Variants in RAPGEFL1 observed in about 807,000 individuals in gnomAD.
RAPGEFL1 encodes the protein Rap guanine nucleotide exchange factor like 1.
In RAPGEFL1, 31 loss-of-function variants were observed where a neutral mutation model predicts 64.4. The ratio of observed to expected loss-of-function variants is 0.48; its 90% CI spans 0.36 to 0.65. The LOEUF (loss-of-function observed/expected upper bound fraction) is 0.65. Ranked by LOEUF, RAPGEFL1 falls within the 30% of genes least tolerant of loss-of-function variation. RAPGEFL1 has a pLI of 0.00. For missense variants in RAPGEFL1, 682 were observed against 677.4 expected, an observed-to-expected ratio of 1.01 and a Z score of -0.08; for synonymous variants, 331 against 274.1, an observed-to-expected ratio of 1.21 and a Z score of -2.05.
In RAPGEFL1 at chr17:40,178,277, C is replaced by T. The variant is rs1989784134; in HGVS notation, c.416C>T (p.Ser139Leu). ...CTGTCCCCAGGCGAGCCCTTGACTT[C>T]GCCGCCCTGGGCCCCTCTGGGCGCC... ...DELSPGEPLT[S>L]PPWAPLGAPE... is the part of the protein sequence containing the mutation. Residue 139 changes from serine to leucine, a missense_variant, in exon 1 of 15, where the codon TCG (serine) becomes TTG (leucine). Ser to Leu is a moderately radical substitution (Grantham distance 145, BLOSUM62 -2). This residue lies in a region of RAPGEFL1 where 271 missense variants were observed against 158.0 expected (regional missense o/e 1.72). Coordinates refer to ENST00000620260, the MANE Select transcript of RAPGEFL1 (RefSeq NM_016339.6). The T allele has an allele frequency of 4.6e-6, 3 of 651,336 alleles. No individual in the cohort carries two copies. Among genetic ancestry groups the T allele is most frequent in the Non-Finnish European group, 8.4e-6 (3 of 358,180 alleles). 40.3% of individuals were successfully genotyped at this position (651,336 alleles called of 1,614,324 possible).
At chr17:40,190,004 A>G (rs987750942) in intron 6 of RAPGEFL1, among the ~76,000 whole-genome samples, 2 of 151,984 alleles carry the variant, frequency 1.3e-5, no homozygotes, top group African/African-American at 2.4e-5. Flanking sequence ...TCAGGTTCTG[A>G]TCTGAGTGCT....
intron 1 of RAPGEFL1, 93 bp downstream of exon 1, chr17:40,178,474 G>T: frequency 2.2e-6 from 1 of 448,526 alleles, no homozygotes; most frequent in Non-Finnish European, 4.0e-6. Context: ...CCGTGCCGGG[G>T]CTTGGTTATA....
intron 1 of RAPGEFL1, among the ~76,000 whole-genome samples, chr17:40,180,416 C>T (rs1989858048): frequency 6.6e-6 from 1 of 152,038 alleles, no homozygotes; most frequent in Non-Finnish European, 1.5e-5. Context: ...TGAGAATCAG[C>T]TTAACCTGCC....
rs1383829905 is a variant in RAPGEFL1 at position 40,185,803 on chromosome 17, AG to A, written c.833+1126del. Among the ~76,000 whole-genome samples the A allele has an allele frequency of 7.4e-3, 1,089 of 147,838 alleles. 7 individuals are homozygous for A. Among genetic ancestry groups the A allele is most frequent in the Non-Finnish European group, 0.014 (912 of 66,708 alleles). On this transcript the variant is annotated intron_variant, in intron 4 of 14. Coordinates refer to ENST00000620260, the MANE Select transcript of RAPGEFL1 (RefSeq NM_016339.6). Reference sequence around the variant, plus strand: ...TGTCTCAAAAAAAAAAAAAAAAAAAAGAAAAGAAAAATTAGCTGGGGGTGGT... The same window carrying A: ...TGTCTCAAAAAAAAAAAAAAAAAAAAAAAAGAAAAATTAGCTGGGGGTGGT...
chr17:40,177,838 C>A lies in RAPGEFL1; in HGVS notation c.-24C>A, dbSNP rs1989760251. 1 of 425,108 alleles carries A rather than the reference C, an allele frequency of 2.4e-6. No homozygotes were observed. Among genetic ancestry groups the A allele is most frequent in the Admixed American group, 4.4e-5 (1 of 22,748 alleles). 26.3% of individuals were successfully genotyped at this position (425,108 alleles called of 1,614,324 possible). On this transcript the variant is annotated 5_prime_UTR_variant, in exon 1 of 15. Coordinates refer to ENST00000620260, the MANE Select transcript of RAPGEFL1 (RefSeq NM_016339.6). The stretch of plus-strand genomic sequence containing the variant: ...GGGATACCTGGGTCCCCCGGCGACC[C>A]CTAGGAGAGGGGCGGGGGGGGGCAT...
chr17:40,184,867 C>T (rs1252626635), intron 4 of RAPGEFL1, among the ~76,000 whole-genome samples, 189 bp downstream of exon 4: 1 of 152,164 alleles, frequency 6.6e-6, no homozygotes, highest in Admixed American at 6.5e-5. Flanking sequence ...GCAACCTCCA[C>T]CTCTTGGGTT....
chr17:40,191,233 C>A lies in RAPGEFL1; in HGVS notation c.1336-83C>A. ...GCCCCCGCCCTCCTGCCTTTCGCTC[C>A]TCATCGCCTTGCACTGCCATCTTCC... On this transcript the variant is annotated intron_variant, in intron 8 of 14. Transcript: ENST00000620260. This position sits in a 1 kb window ranked among gnomAD's most constrained non-coding sequence, Gnocchi z 5.1. The A allele has an allele frequency of 7.5e-7, 1 of 1,324,838 alleles. No homozygotes were observed. Among genetic ancestry groups the A allele is most frequent in the Non-Finnish European group, 1.0e-6 (1 of 1,000,652 alleles). 82.1% of individuals were successfully genotyped at this position (1,324,838 alleles called of 1,614,324 possible).
intron 4 of RAPGEFL1, among the ~76,000 whole-genome samples, chr17:40,186,921 C>T (rs1598442301): frequency 6.8e-6 from 1 of 146,770 alleles, no homozygotes; most frequent in Non-Finnish European, 1.5e-5. Context: ...GTAGTGAAAA[C>T]AGGAAGGAAA....
chr17:40,186,574 C>CAAAAAA lies in RAPGEFL1; in HGVS notation c.833+1926_833+1931dup, dbSNP rs146110920. ...TGGGCGACAGAGCGAGACTCCGTCT[C>CAAAAAA]AAAAAAAAAAAAAAAAAAAAAAAAA... On this transcript the variant is annotated intron_variant, in intron 4 of 14. Coordinates refer to ENST00000620260, the MANE Select transcript of RAPGEFL1 (RefSeq NM_016339.6). Among the ~76,000 whole-genome samples, 43 of 26,286 alleles carry CAAAAAA rather than the reference C, an allele frequency of 1.6e-3. 1 individual carries two copies. Among genetic ancestry groups the CAAAAAA allele is most frequent in the Admixed American group, 3.3e-3 (4 of 1,196 alleles). The allele number at this position is 26,286 out of a possible 152,430, so 17.2% of individuals were successfully genotyped here. A position where few individuals can be genotyped will look rare whatever the true frequency, so the allele number is the denominator to read the frequency against.
chr17:40,177,809 G>T lies in RAPGEFL1; in HGVS notation c.-53G>T. The T allele has an allele frequency of 2.4e-6, 1 of 408,420 alleles. No homozygotes were observed. The highest frequency in any genetic ancestry group is 4.3e-6 in the Non-Finnish European group (1 of 231,408). 25.3% of individuals were successfully genotyped at this position (408,420 alleles called of 1,614,324 possible). Reference sequence around the variant, plus strand: ...TGTCTTCGCCGCCCCCCCCGCCCGCGCCTGGGATACCTGGGTCCCCCGGCG... The same window carrying T: ...TGTCTTCGCCGCCCCCCCCGCCCGCTCCTGGGATACCTGGGTCCCCCGGCG... On this transcript the variant is annotated 5_prime_UTR_variant, in exon 1 of 15. Coordinates refer to ENST00000620260, the MANE Select transcript of RAPGEFL1 (RefSeq NM_016339.6).
intron 12 of RAPGEFL1, 91 bp downstream of exon 12, chr17:40,192,784 G>T (rs572149648): frequency 1.4e-6 from 2 of 1,413,684 alleles, no homozygotes; most frequent in African/African-American, 1.4e-5. Flanking sequence ...TCTCGACTCA[G>T]CCCTGAGTAC....
At chr17:40,186,473 C>A (rs1218246882) in intron 4 of RAPGEFL1, among the ~76,000 whole-genome samples, 3 of 146,576 alleles carry the variant, frequency 2.0e-5, no homozygotes, top group African/African-American at 7.6e-5. Context: ...GAGGCTGAGG[C>A]AGGAGAATGG....
At position 40,191,481 on chromosome 17, in the gene RAPGEFL1, A is replaced by G. The variant is rs1990264006; in HGVS notation, c.1501A>G (p.Lys501Glu). The change falls in exon 9 of 15, where the codon AAG (lysine) becomes GAG (glutamate). Residue 501 changes from lysine to glutamate, a missense_variant. By Grantham distance (56) the Lys-to-Glu change is moderately conservative (BLOSUM62 1). Coordinates refer to ENST00000620260, the MANE Select transcript of RAPGEFL1 (RefSeq NM_016339.6). The surrounding 1 kb of genome is among the most constrained non-coding windows in gnomAD (Gnocchi z 5.1). ...KRAQLLKKFI[K>E]IAALCKQNQD... ...CGCGCAGCTGCTCAAGAAGTTCATC[A>G]AGATCGCGGCCCTGTGAGTGCGGCC... The G allele has an allele frequency of 1.9e-6, 3 of 1,606,068 alleles. No homozygotes were observed. The East Asian group carries it at 6.7e-5, about 36-fold the overall frequency.
Position 40,178,260 on chromosome 17 carries a change from A to G in RAPGEFL1, c.399A>G (p.Pro133=). Residue 133 remains proline (P), a synonymous_variant, in exon 1 of 15, where the codon CCA becomes CCG. Coordinates refer to ENST00000620260, the MANE Select transcript of RAPGEFL1 (RefSeq NM_016339.6). ...PSSYSSDELS[P]GEPLTSPPWA... ...CCTACTCATCTGACGAGCTGTCCCC[A>G]GGCGAGCCCTTGACTTCGCCGCCCT... is the stretch of plus-strand genomic sequence containing the variant. 1.5e-6 allele frequency: 1 copy of G among 648,420 alleles called. No homozygotes were observed. The highest frequency in any genetic ancestry group is 2.8e-6 in the Non-Finnish European group (1 of 356,534). The allele number at this position is 648,420 out of a possible 1,614,324, so 40.2% of individuals were successfully genotyped here. A position where few individuals can be genotyped will look rare whatever the true frequency, so the allele number is the denominator to read the frequency against.
chr17:40,186,431 G>C (rs531314307), intron 4 of RAPGEFL1, among the ~76,000 whole-genome samples: 1,797 of 151,258 alleles, frequency 0.012, 30 homozygotes, highest in African/African-American at 0.041. Context: ...AGCCGGGCGC[G>C]GTGGCGGGCG....
chr17:40,189,444 G>C, intron 6 of RAPGEFL1, 69 bp downstream of exon 6: 1 of 1,548,998 alleles, frequency 6.5e-7, no homozygotes, highest in Non-Finnish European at 8.8e-7. Flanking sequence ...CTCTGGGGGA[G>C]GGGTAGAGAC....
Position 40,189,376 on chromosome 17 carries a change from G to A in RAPGEFL1, c.1114+1G>A. Reference sequence around the variant, plus strand: ...CTGGTAGCTGTGTCCTCCTCTGGAGGTGAGGGTCAGGAAGAACTGGGCTGA... The same window carrying A: ...CTGGTAGCTGTGTCCTCCTCTGGAGATGAGGGTCAGGAAGAACTGGGCTGA... On this transcript the variant is annotated splice_donor_variant, in intron 6 of 14. Transcript: ENST00000620260. LOFTEE classifies it high-confidence loss of function. 1 of 1,614,026 alleles carries A rather than the reference G, an allele frequency of 6.2e-7. No homozygotes were observed. Among genetic ancestry groups the A allele is most frequent in the South Asian group, 1.1e-5 (1 of 91,062 alleles).
chr17:40,184,459 G>A, intron 3 of RAPGEFL1, 110 bp downstream of exon 3: 2 of 1,201,724 alleles, frequency 1.7e-6, no homozygotes, highest in Non-Finnish European at 2.4e-6. Context: ...AGAGATGCCA[G>A]GGGGCCTTAG....
chr17:40,183,820 CTTTTTTTTTTTTGCCTTTTTTTTTTTT>C (rs1989970500), intron 2 of RAPGEFL1, among the ~76,000 whole-genome samples: 3 of 95,142 alleles, frequency 3.2e-5, no homozygotes, highest in African/African-American at 1.2e-4. Flanking sequence ...CGCGCCTGGC[CTTTTTTTTTTTTGCCTTTTTTTTTTTT>C]TTTTTTTTTT....
Sources: allele counts gnomAD v4.1 joint callset (sites outside exome capture counted in the v4.1 genomes callset), GRCh38; gene constraint gnomAD v4.1.1; regional missense constraint gnomAD v4.1.1; non-coding constraint Gnocchi (gnomAD v3.1); transcripts MANE v1.5; gene names NCBI Gene and HGNC (gene_info 2026-07-23, HGNC 2026-07-21).